Variants in LARGE1 observed in about 807,000 individuals in gnomAD.
LARGE1 encodes LARGE xylosyl- and glucuronyltransferase 1.
Under a neutral mutation model 87.6 loss-of-function variants are expected in LARGE1, and 43 were observed. That is an observed-to-expected ratio of 0.49 (90% confidence interval 0.38 to 0.63). The LOEUF is 0.63. Among genes scored for constraint, LARGE1 ranks in the 30% least tolerant of loss-of-function variants. LARGE1 has a pLI of 0.00. For missense variants in LARGE1, 802 were observed against 1,000.2 expected (o/e 0.80, Z 2.67); for synonymous variants, 434 against 394.6 (o/e 1.10, Z -1.18).
intron 6 of LARGE1, among the ~76,000 whole-genome samples, chr22:33,445,856 G>C (rs1263955363): frequency 6.6e-6 from 1 of 151,968 alleles, no homozygotes; most frequent in Non-Finnish European, 1.5e-5. Flanking sequence ...CACCATATTG[G>C]CCAGGCTGGT....
chr22:33,169,485 C>T (rs1922444323), intron 11 of LARGE1, among the ~76,000 whole-genome samples: 1 of 152,060 alleles, frequency 6.6e-6, no homozygotes, highest in African/African-American at 2.4e-5. Flanking sequence ...CTAAGTTTTA[C>T]CTTTAAGCTT....
At chr22:33,443,231 GGGATTGC>G (rs2067552666) in intron 6 of LARGE1, among the ~76,000 whole-genome samples, 1 of 152,164 alleles carries the variant, frequency 6.6e-6, no homozygotes, top group African/African-American at 2.4e-5. Context: ...CTCAGAGTAG[GGGATTGC>G]ATTCCCACCT....
chr22:33,745,393 A>G (rs1220599583), intron 2 of LARGE1, among the ~76,000 whole-genome samples: 4 of 152,162 alleles, frequency 2.6e-5, no homozygotes, highest in African/African-American at 9.7e-5. Context: ...TATCCAAAAC[A>G]TGAAATTAAG....
At chr22:33,428,458 C>T (rs924172522) in intron 7 of LARGE1, among the ~76,000 whole-genome samples, 1 of 151,248 alleles carries the variant, frequency 6.6e-6, no homozygotes, top group Non-Finnish European at 1.5e-5. Context: ...GGATTACAGG[C>T]ACACACCACC....
intron 5 of LARGE1, among the ~76,000 whole-genome samples, chr22:33,567,445 G>A (rs12159204): frequency 0.051 from 7,815 of 152,220 alleles, 368 homozygotes; most frequent in African/African-American, 0.12. Flanking sequence ...ATGAAGGTAA[G>A]GGTCTGTGGG....
At chr22:33,378,865 C>T (rs2065068057) in intron 9 of LARGE1, among the ~76,000 whole-genome samples, 1 of 152,188 alleles carries the variant, frequency 6.6e-6, no homozygotes, top group Non-Finnish European at 1.5e-5. Context: ...CCTATGATCC[C>T]CTCCTTGGGT....
intron 11 of LARGE1, among the ~76,000 whole-genome samples, chr22:33,236,404 T>C (rs1049581280): frequency 4.6e-5 from 7 of 152,216 alleles, no homozygotes; most frequent in African/African-American, 7.2e-5. Context: ...AGTTGTCAGC[T>C]TGGTTTCATT....
chr22:33,649,059 T>C (rs774007306), intron 3 of LARGE1, among the ~76,000 whole-genome samples: 30 of 152,212 alleles, frequency 2.0e-4, no homozygotes, highest in Non-Finnish European at 1.5e-5. Flanking sequence ...ATAATGGATG[T>C]TTGTTTCACA....
chr22:33,846,057 T>G lies in LARGE1; in HGVS notation c.-83+73938A>C, dbSNP rs115842682. 9.5e-3 allele frequency among the ~76,000 whole-genome samples: 1,442 copies of G among 152,328 alleles called. 19 individuals are homozygous for G. The highest frequency in any genetic ancestry group is 0.032 in the African/African-American group (1,310 of 41,564). On this transcript the variant is annotated intron_variant, in intron 1 of 14. Coordinates refer to ENST00000397394, the MANE Select transcript of LARGE1 (RefSeq NM_133642.5). The stretch of plus-strand genomic sequence containing the variant: ...GAGTTTTCCGCTGTCTGAATTTTCA[T>G]GACAGCGTCTCTGTTTGTCATTTAA...
the LARGE1 span, among the ~76,000 whole-genome samples, chr22:33,144,268 G>C: frequency 6.6e-6 from 1 of 152,060 alleles, no homozygotes; most frequent in Non-Finnish European, 1.5e-5. Flanking sequence ...ATACCACTTA[G>C]AACACTCTAC....
chr22:33,815,388 A>G (rs1050469618), intron 1 of LARGE1, among the ~76,000 whole-genome samples: 4 of 152,196 alleles, frequency 2.6e-5, no homozygotes, highest in African/African-American at 9.7e-5. Context: ...GGAAGCCTTC[A>G]TGCAAACCTC....
intron 9 of LARGE1, among the ~76,000 whole-genome samples, chr22:33,372,897 A>T (rs2064866131): frequency 6.6e-6 from 1 of 152,226 alleles, no homozygotes; most frequent in Non-Finnish European, 1.5e-5. Context: ...ATCCATAAGT[A>T]GGAGAGTAAT....
intron 9 of LARGE1, among the ~76,000 whole-genome samples, chr22:33,375,754 A>G (rs915174934): frequency 4.0e-5 from 6 of 151,002 alleles, no homozygotes; most frequent in South Asian, 4.2e-4. Flanking sequence ...TTTATTTTTT[A>G]TTTATTTTTT....
At chr22:33,294,721 T>A (rs1932992135) in intron 12 of LARGE1, among the ~76,000 whole-genome samples, 1 of 152,206 alleles carries the variant, frequency 6.6e-6, no homozygotes, top group South Asian at 2.1e-4. Flanking sequence ...CTCTCAGCCC[T>A]GCTGGGCTTG....
At chr22:33,237,689 C>A (rs182703867) in intron 11 of LARGE1, among the ~76,000 whole-genome samples, 1 of 152,302 alleles carries the variant, frequency 6.6e-6, no homozygotes, top group East Asian at 1.9e-4. Flanking sequence ...ATTATCCATG[C>A]TAGCAGGGGA....
At chr22:33,874,630 T>G (rs16985378) in intron 1 of LARGE1, among the ~76,000 whole-genome samples, 8,541 of 152,266 alleles carry the variant, frequency 0.056, 822 homozygotes, top group African/African-American at 0.2. Context: ...AGACACTATT[T>G]CCACCCAACG....
chr22:33,909,302 A>G (rs2065551648), intron 1 of LARGE1, among the ~76,000 whole-genome samples: 1 of 152,130 alleles, frequency 6.6e-6, no homozygotes, highest in African/African-American at 2.4e-5. Flanking sequence ...TCCTCCTGTA[A>G]CAGTTCCAGC....
intron 5 of LARGE1, among the ~76,000 whole-genome samples, chr22:33,604,142 A>C (rs1261806558): frequency 2.6e-5 from 4 of 152,152 alleles, no homozygotes; most frequent in Non-Finnish European, 5.9e-5. Flanking sequence ...AACTCTCTAG[A>C]TGACAGCTAC....
chr22:33,544,552 T>G (rs774351218), intron 6 of LARGE1, among the ~76,000 whole-genome samples: 2 of 151,946 alleles, frequency 1.3e-5, no homozygotes, highest in Non-Finnish European at 2.9e-5. Context: ...CTGGGTGTAG[T>G]GGTACGCCTG....
Sources: gnomAD v4.1 joint callset for allele counts (sites outside exome capture counted in the v4.1 genomes callset) on GRCh38, gnomAD v4.1.1 for gene constraint, MANE v1.5 for transcripts, NCBI Gene and HGNC (gene_info 2026-07-23, HGNC 2026-07-21) for gene names.